LILRB4: variants seen among roughly 807,000 people sequenced by gnomAD.
LILRB4 encodes the protein leukocyte immunoglobulin-like receptor subfamily B member 4.
Under a neutral mutation model 55.2 loss-of-function variants are expected in LILRB4, and 49 were observed. That is an observed-to-expected ratio of 0.89 (90% confidence interval 0.71 to 1.13). LILRB4 has a LOEUF of 1.13. LILRB4 is among the 50% of genes most tolerant of loss of function. The pLI is 0.00. For missense variants in LILRB4, 590 were observed against 555.2 expected (o/e 1.06, Z -0.63); for synonymous variants, 229 against 213.8 (o/e 1.07, Z -0.62).
In LILRB4 at chr19:54,666,723, G is replaced by C; in HGVS notation, c.1015G>C (p.Glu339Gln). The change falls in exon 10 of 12, where the codon GAG becomes CAG. Residue 339 changes from glutamate (E) to glutamine (Q), a missense_variant. Physicochemically the swap from Glu to Gln is conservative, Grantham distance 29. Transcript: ENST00000430952. This position sits in a 1 kb window ranked among gnomAD's most constrained non-coding sequence, Gnocchi z 4.8. ...TGCTGCCGTGAAGAACACACAGCCT[G>C]AGGACGGGGTGGAAATGGACACTCG... The C allele has an allele frequency of 6.2e-7, 1 of 1,614,178 alleles. No homozygotes were observed. Among genetic ancestry groups the C allele is most frequent in the Non-Finnish European group, 8.5e-7 (1 of 1,180,020 alleles).
intron 2 of LILRB4, 72 bp downstream of exon 2, chr19:54,663,639 G>A: frequency 6.2e-7 from 1 of 1,612,006 alleles, no homozygotes; most frequent in Non-Finnish European, 8.5e-7. Flanking sequence ...GGCAGCTGGG[G>A]GAGGAGACAG....
intron 4 of LILRB4, 131 bp downstream of exon 4, chr19:54,664,616 G>T: frequency 9.2e-7 from 1 of 1,091,736 alleles, no homozygotes; most frequent in Non-Finnish European, 1.3e-6. Context: ...AGGGGAGGAG[G>T]ACAACAGGGG....
chr19:54,667,352 C>CGAGCCCCTGCAG (rs1568649531), intron 10 of LILRB4: 17 of 624,064 alleles, frequency 2.7e-5, no homozygotes, highest in Middle Eastern at 4.3e-4. Flanking sequence ...CTCTAATGGA[C>CGAGCCCCTGCAG]GAGCCCCTGC....
At chr19:54,667,750 C>T in exon 11 of LILRB4, 2 of 1,611,574 alleles carry the variant, frequency 1.2e-6, no homozygotes, top group Non-Finnish European at 1.7e-6. Context: ...TTCCTGGACA[C>T]AAAGGACAGA....
exon 12 of LILRB4, chr19:54,667,901 T>A (rs773840729): frequency 1.4e-5 from 23 of 1,609,058 alleles, no homozygotes; most frequent in Non-Finnish European, 1.8e-5. Context: ...CCCCAGGATG[T>A]GACCTACGCC....
exon 12 of LILRB4, chr19:54,667,969 G>A (rs765132717): frequency 2.5e-6 from 4 of 1,613,938 alleles, no homozygotes; most frequent in Admixed American, 1.7e-5. Flanking sequence ...ATCCCAGGAA[G>A]GGGCCTCTCC....
Position 54,666,488 on chromosome 19 carries a change from A to T in LILRB4, c.988+52A>T. ...CTGGGGTGGAGCTGGGGGTCCCAAAATTTCAATAGCAATGGGGGCAGGAGC... is the reference window on the plus strand; with the variant it reads ...CTGGGGTGGAGCTGGGGGTCCCAAATTTTCAATAGCAATGGGGGCAGGAGC... On this transcript the variant is annotated intron_variant, in intron 9 of 11. Coordinates refer to ENST00000430952, the Ensembl canonical transcript of LILRB4. The surrounding 1 kb of genome is among the most constrained non-coding windows in gnomAD (Gnocchi z 4.8). The T allele has an allele frequency of 5.6e-6, 9 of 1,598,428 alleles. No individual in the cohort carries two copies. The highest frequency in any genetic ancestry group is 7.7e-6 in the Non-Finnish European group (9 of 1,167,980).
At chr19:54,668,191 C>A in exon 12 of LILRB4, 2 of 669,152 alleles carry the variant, frequency 3.0e-6, no homozygotes, top group South Asian at 4.1e-5. Flanking sequence ...TAAATAATAT[C>A]CCTGCATTAT....
chr19:54,667,225 A>G (rs11574581), intron 10 of LILRB4: 45,382 of 566,418 alleles, frequency 0.08, 1,921 homozygotes, highest in Middle Eastern at 0.18. Flanking sequence ...TGCTGTAAGG[A>G]ACATAAACCA....
chr19:54,666,546 A>G lies in LILRB4; in HGVS notation c.988+110A>G. ...AGGATTGGTCAGGGACTCAGGGAGA[A>G]GTGGTCTGAACCCACATTGTGGGAC... On this transcript the variant is annotated intron_variant, in intron 9 of 11. Coordinates refer to ENST00000430952, the Ensembl canonical transcript of LILRB4. The surrounding 1 kb of genome is among the most constrained non-coding windows in gnomAD (Gnocchi z 4.8). 13 of 1,475,938 alleles carry G rather than the reference A, an allele frequency of 8.8e-6. No homozygotes were observed. The highest frequency in any genetic ancestry group is 1.2e-5 in the Non-Finnish European group (13 of 1,067,910). The allele number at this position is 1,475,938 out of a possible 1,614,324, so 91.4% of individuals were successfully genotyped here.
At chr19:54,664,521 G>A in intron 4 of LILRB4, 36 bp downstream of exon 4, 2 of 1,561,668 alleles carry the variant, frequency 1.3e-6, no homozygotes, top group South Asian at 1.2e-5. Flanking sequence ...TGAGCTCAGT[G>A]GCTCCGTTCA....
chr19:54,667,992 T>G (rs750996669), exon 12 of LILRB4: 3 of 1,614,042 alleles, frequency 1.9e-6, no homozygotes, highest in Non-Finnish European at 2.5e-6. Flanking sequence ...CTGAGCCCAG[T>G]GTCTATGCCA....
Position 54,666,027 on chromosome 19 carries a change from C to T in LILRB4, c.874+96C>T. On this transcript the variant is annotated intron_variant, in intron 7 of 11. Transcript: ENST00000430952. The surrounding 1 kb of genome is among the most constrained non-coding windows in gnomAD (Gnocchi z 4.8). ...GATAGGAGAGGTCATCTTAGAAACT[C>T]TGCTCCAGAAATTCCCAGTGAGAAA... 4.7e-6 allele frequency: 7 copies of T among 1,491,634 alleles called. No individual in the cohort carries two copies. The highest frequency in any genetic ancestry group is 6.4e-6 in the Non-Finnish European group (7 of 1,094,108). 92.4% of individuals were successfully genotyped at this position (1,491,634 alleles called of 1,614,324 possible).
Position 54,666,679 on chromosome 19 carries a change from C to A in LILRB4, c.989-18C>A. Reference sequence around the variant, plus strand: ...GGGAACCTTCCCAGGAGATGAACCCCTTGCTCTACCCCAGCAGGTGCTGCC... The same window carrying A: ...GGGAACCTTCCCAGGAGATGAACCCATTGCTCTACCCCAGCAGGTGCTGCC... On this transcript the variant is annotated intron_variant, in intron 9 of 11. Coordinates refer to ENST00000430952, the Ensembl canonical transcript of LILRB4. This position sits in a 1 kb window ranked among gnomAD's most constrained non-coding sequence, Gnocchi z 4.8. The A allele has an allele frequency of 6.2e-7, 1 of 1,613,634 alleles. No homozygotes were observed. Among genetic ancestry groups the A allele is most frequent in the Non-Finnish European group, 8.5e-7 (1 of 1,179,620 alleles).
chr19:54,667,321 G>A, intron 10 of LILRB4: 1 of 595,878 alleles, frequency 1.7e-6, no homozygotes, highest in South Asian at 1.9e-5. Context: ...GAGAAGCCTG[G>A]ACGGAGAGGG....
At chr19:54,663,375 G>A (rs1011133196) in intron 1 of LILRB4, among the ~76,000 whole-genome samples, 157 bp from the exon 2 acceptor site, 5 of 146,240 alleles carry the variant, frequency 3.4e-5, no homozygotes, top group Middle Eastern at 3.5e-3. Flanking sequence ...GAACCCGGGA[G>A]GCGGAGCTTG....
In LILRB4 at chr19:54,665,133, G is replaced by T. The variant is rs143646063; in HGVS notation, c.710G>T (p.Gly237Val). ...TCACATCCCTGTTCTAACCCAGCAG[G>T]CCCTGAGGACCAGCCCCTCATGCCT... The change falls in exon 6 of 12, where the codon GGC (glycine) becomes GTC (valine). Residue 237 changes from glycine to valine, a missense_variant. Transcript: ENST00000430952. The surrounding 1 kb of genome is among the most constrained non-coding windows in gnomAD (Gnocchi z 5.5). 1.2e-3 allele frequency: 1,930 copies of T among 1,608,478 alleles called. 3 individuals carry two copies. The highest frequency in any genetic ancestry group is 1.4e-3 in the Non-Finnish European group (1,684 of 1,176,984).
At position 54,666,412 on chromosome 19, in the gene LILRB4, G is replaced by T; in HGVS notation, c.964G>T (p.Ala322Ser). ...ATCCTCCCCCAGGTCCAGCCCAGCT[G>T]CTGACGTCCAGGGAGAAAACTTCTG... The change falls in exon 9 of 12, where the codon GCT (alanine) becomes TCT (serine). Residue 322 changes from alanine to serine, a missense_variant. Ala to Ser is a moderately conservative substitution (Grantham distance 99, BLOSUM62 1). Coordinates refer to ENST00000430952, the Ensembl canonical transcript of LILRB4. This position sits in a 1 kb window ranked among gnomAD's most constrained non-coding sequence, Gnocchi z 4.8. 1.2e-6 allele frequency: 2 copies of T among 1,614,158 alleles called. No individual in the cohort carries two copies. Among genetic ancestry groups the T allele is most frequent in the Non-Finnish European group, 1.7e-6 (2 of 1,179,992 alleles).
chr19:54,666,990 G>A lies in LILRB4; in HGVS notation c.1041+241G>A. 2.8e-6 allele frequency: 2 copies of A among 703,266 alleles called. No individual in the cohort carries two copies. Among genetic ancestry groups the A allele is most frequent in the Non-Finnish European group, 2.6e-6 (1 of 377,862 alleles). The allele number at this position is 703,266 out of a possible 1,614,324, so 43.6% of individuals were successfully genotyped here. On this transcript the variant is annotated intron_variant, in intron 10 of 11. Transcript: ENST00000430952. This position sits in a 1 kb window ranked among gnomAD's most constrained non-coding sequence, Gnocchi z 4.8. ...TCTGTTTGGCCATCTGGTTGTTAGA[G>A]AGCTCCCCAGGCCTCAGGAGGATGA...
Sources: gnomAD v4.1 joint callset for allele counts (sites outside exome capture counted in the v4.1 genomes callset) on GRCh38, gnomAD v4.1.1 for gene constraint, Gnocchi (gnomAD v3.1) non-coding constraint, MANE v1.5 for transcripts, NCBI Gene and HGNC (gene_info 2026-07-23, HGNC 2026-07-21) for gene names.